Variants in LPP observed in about 807,000 individuals in gnomAD.
LPP encodes lipoma-preferred partner.
LPP carries 38 observed loss-of-function variants against 60.4 expected under a neutral mutation model. The observed-to-expected ratio is 0.63, with a 90% CI of 0.49 to 0.83. LPP has a LOEUF of 0.83. Among genes scored for constraint, LPP ranks in the 40% least tolerant of loss-of-function variants. LPP has a pLI of 0.00. For synonymous variants in LPP, 328 were observed against 290.8 expected (o/e 1.13, Z -1.30); for missense variants, 902 against 783.6 (o/e 1.15, Z -1.80).
chr3:188,757,795 G>T (rs904034668), intron 8 of LPP, among the ~76,000 whole-genome samples: 12 of 151,256 alleles, frequency 7.9e-5, no homozygotes, highest in Non-Finnish European at 2.9e-5. Context: ...TTCGTTTTCT[G>T]CAATGAAATG....
At chr3:188,199,458 C>G (rs1354580120) in intron 1 of LPP, among the ~76,000 whole-genome samples, 1 of 152,052 alleles carries the variant, frequency 6.6e-6, no homozygotes, top group Non-Finnish European at 1.5e-5. Context: ...GAACAGACGT[C>G]TCTGTGGAGC....
chr3:188,636,650 ATGTCCC>A (rs1306777514), intron 7 of LPP, among the ~76,000 whole-genome samples: 1 of 152,148 alleles, frequency 6.6e-6, no homozygotes, highest in Non-Finnish European at 1.5e-5. Flanking sequence ...GCAGACTTAA[ATGTCCC>A]TGTCTGACAG....
intron 1 of LPP, among the ~76,000 whole-genome samples, chr3:188,215,131 C>G (rs1175545991): frequency 6.6e-6 from 1 of 151,962 alleles, no homozygotes; most frequent in Non-Finnish European, 1.5e-5. Flanking sequence ...CGTGATGAAT[C>G]CCCACCTCTA....
chr3:188,822,288 A>G (rs1269318708), intron 9 of LPP, among the ~76,000 whole-genome samples: 1 of 152,122 alleles, frequency 6.6e-6, no homozygotes, highest in Non-Finnish European at 1.5e-5. Context: ...CGGATACAAA[A>G]AAAATTGAGC....
rs10579787 is a variant in LPP, at chr3:188,252,031, GATATATATATAT to G, written c.-67+26538_-67+26549del. Among the ~76,000 whole-genome samples the G allele has an allele frequency of 5.5e-3, 227 of 41,416 alleles. 2 individuals carry two copies. The highest frequency in any genetic ancestry group is 0.014 in the South Asian group (13 of 918). 27.2% of individuals were successfully genotyped at this position (41,416 alleles called of 152,430 possible). A position where few individuals can be genotyped will look rare whatever the true frequency, so the allele number is the denominator to read the frequency against. On this transcript the variant is annotated intron_variant, in intron 2 of 11. Coordinates refer to ENST00000617246, the MANE Select transcript of LPP (RefSeq NM_001375462.1). ...CTTTCTGGTATTTCTTTTTAATCCT[GATATATATATAT>G]ATATATATATATATATATATATATA... is the stretch of plus-strand genomic sequence containing the variant.
At chr3:188,556,737 C>T (rs182009307) in intron 6 of LPP, among the ~76,000 whole-genome samples, 1 of 151,416 alleles carries the variant, frequency 6.6e-6, no homozygotes, top group African/African-American at 2.4e-5. Flanking sequence ...TATCTTAGAA[C>T]CTTATGCAAG....
chr3:188,214,958 A>G (rs190153569), intron 1 of LPP, among the ~76,000 whole-genome samples: 47 of 152,282 alleles, frequency 3.1e-4, no homozygotes, highest in Admixed American at 4.6e-4. Flanking sequence ...TTAAAATATT[A>G]TTTTTAATTT....
chr3:188,268,759 C>A (rs1022432577), intron 2 of LPP, among the ~76,000 whole-genome samples: 14 of 152,168 alleles, frequency 9.2e-5, no homozygotes, highest in Non-Finnish European at 1.5e-4. Context: ...CGCCATTGTG[C>A]CATATCATTC....
At chr3:188,848,995 TG>T (rs1449270064) in intron 9 of LPP, among the ~76,000 whole-genome samples, 1 of 149,210 alleles carries the variant, frequency 6.7e-6, no homozygotes, top group Non-Finnish European at 1.5e-5. Flanking sequence ...AGGTTCCGGG[TG>T]TTGCAGCAAG....
At chr3:188,478,210 C>T (rs1803743295) in intron 4 of LPP, among the ~76,000 whole-genome samples, 1 of 152,108 alleles carries the variant, frequency 6.6e-6, no homozygotes, top group Non-Finnish European at 1.5e-5. Flanking sequence ...CAGTTGCCCT[C>T]TTGTGCATAA....
At chr3:188,791,451 C>T (rs903304603) in intron 9 of LPP, among the ~76,000 whole-genome samples, 3 of 152,040 alleles carry the variant, frequency 2.0e-5, no homozygotes, top group Admixed American at 6.6e-5. Context: ...CTTGTTTATG[C>T]GATCGTTTGT....
chr3:188,204,399 G>A (rs1053481061), intron 1 of LPP, among the ~76,000 whole-genome samples: 1 of 152,096 alleles, frequency 6.6e-6, no homozygotes, highest in African/African-American at 2.4e-5. Context: ...AGGATGTGCC[G>A]GGAATCTTGG....
At position 188,609,116 on chromosome 3, in the gene LPP, G is replaced by A. The variant is rs372738732; in HGVS notation, c.430-45G>A. 14 of 1,390,618 alleles carry A rather than the reference G, an allele frequency of 1.0e-5. No individual in the cohort carries two copies. The highest frequency in any genetic ancestry group is 1.4e-5 in the Non-Finnish European group (14 of 1,012,876). 86.1% of individuals were successfully genotyped at this position (1,390,618 alleles called of 1,614,324 possible). On this transcript the variant is annotated intron_variant, in intron 6 of 11. Transcript: ENST00000617246. The surrounding 1 kb of genome is among the most constrained non-coding windows in gnomAD (Gnocchi z 6.9). ...TCATTTTTATTGAGTTTCGTTGGCA[G>A]TAATTTTTGCTTTCTTTCTTTCTTT...
At chr3:188,240,734 T>A (rs536409781) in intron 2 of LPP, among the ~76,000 whole-genome samples, 2 of 152,160 alleles carry the variant, frequency 1.3e-5, no homozygotes, top group African/African-American at 4.8e-5. Flanking sequence ...CCCTCAGACA[T>A]GGTTTTGGTG....
chr3:188,589,154 G>A (rs1281862505), intron 6 of LPP, among the ~76,000 whole-genome samples: 1 of 151,598 alleles, frequency 6.6e-6, no homozygotes. Context: ...ACATATATAT[G>A]TACACATAAT....
At chr3:188,740,910 G>C (rs1319298991) in intron 8 of LPP, among the ~76,000 whole-genome samples, 1 of 151,940 alleles carries the variant, frequency 6.6e-6, no homozygotes, top group Non-Finnish European at 1.5e-5. Context: ...CCTATTCTCA[G>C]TTTCCATGAC....
At chr3:188,681,794 A>G (rs774481932) in intron 7 of LPP, among the ~76,000 whole-genome samples, 5 of 152,058 alleles carry the variant, frequency 3.3e-5, no homozygotes, top group African/African-American at 7.2e-5. Context: ...TTTCACATCT[A>G]TTTTCACCAC....
chr3:188,872,908 T>C, intron 11 of LPP, 145 bp downstream of exon 11: 2 of 1,031,084 alleles, frequency 1.9e-6, no homozygotes, highest in Admixed American at 2.5e-5. Flanking sequence ...GATTTGACAC[T>C]AGTATTCCGA....
chr3:188,717,568 G>A (rs1447978525), intron 8 of LPP, among the ~76,000 whole-genome samples: 2 of 151,814 alleles, frequency 1.3e-5, no homozygotes, highest in Non-Finnish European at 2.9e-5. Flanking sequence ...GTATTGATTT[G>A]GGGGGAAAAA....
Sources: gnomAD v4.1 joint callset for allele counts (sites outside exome capture counted in the v4.1 genomes callset) on GRCh38, gnomAD v4.1.1 for gene constraint, Gnocchi (gnomAD v3.1) non-coding constraint, MANE v1.5 for transcripts, NCBI Gene and HGNC (gene_info 2026-07-23, HGNC 2026-07-21) for gene names.